The following P3H2 variants were observed in gnomAD, a reference collection of about 807,000 sequenced individuals.
P3H2 encodes leprecan-like 1.
P3H2 carries 80 observed loss-of-function variants against 87.0 expected under a neutral mutation model. That is an observed-to-expected ratio of 0.92 (90% CI 0.77 to 1.11). The LOEUF (loss-of-function observed/expected upper bound fraction) is 1.11. P3H2 is among the 50% of genes least tolerant of loss of function. The probability of loss-of-function intolerance (pLI) is 0.00; values close to 1 mark genes in which losing one functional copy is unlikely to be tolerated. For synonymous variants in P3H2, 367 were observed against 359.3 expected (o/e 1.02, Z -0.24); for missense variants, 1,001 against 923.9 (o/e 1.08, Z -1.08).
chr3:190,098,639 G>T (rs1270054876), intron 1 of P3H2, among the ~76,000 whole-genome samples: 3 of 152,084 alleles, frequency 2.0e-5, no homozygotes, highest in Non-Finnish European at 2.9e-5. Flanking sequence ...AGGCAAAAGA[G>T]ACTTTGAGTA....
intron 1 of P3H2, among the ~76,000 whole-genome samples, chr3:190,025,768 A>T (rs985696777): frequency 6.6e-6 from 1 of 152,232 alleles, no homozygotes; most frequent in Non-Finnish European, 1.5e-5. Flanking sequence ...CTAACACATA[A>T]TAAACCTCAG....
rs551057640 is a variant in P3H2, at chr3:189,967,766, G to A, written c.1893+3050C>T. On this transcript the variant is annotated intron_variant, in intron 13 of 14. Transcript: ENST00000319332. ...CATATATTATTGTATGAAGTCACAT[G>A]AAATATTTTTTCTTAGTTATTACAA... Among the ~76,000 whole-genome samples the A allele has an allele frequency of 7.9e-5, 12 of 152,218 alleles. No homozygotes were observed. In the South Asian group the frequency reaches 2.5e-3, roughly 32 times the overall value.
rs1360319053 is a variant in P3H2 at position 189,976,573 on chromosome 3, G to T, written c.1325-1888C>A. Among the ~76,000 whole-genome samples, 3 of 152,190 alleles carry T rather than the reference G, an allele frequency of 2.0e-5. No individual in the cohort carries two copies. The East Asian group carries it at 5.8e-4, about 29-fold the overall frequency. On this transcript the variant is annotated intron_variant, in intron 8 of 14. Transcript: ENST00000319332. Reference sequence around the variant, plus strand: ...CAATTCAAGGTGAGATGTGGGTGGGGACACAGCTAAACCATATCAGCTTTC... The same window carrying T: ...CAATTCAAGGTGAGATGTGGGTGGGTACACAGCTAAACCATATCAGCTTTC...
chr3:190,093,747 T>C (rs1727486874), intron 1 of P3H2, among the ~76,000 whole-genome samples: 1 of 152,242 alleles, frequency 6.6e-6, no homozygotes, highest in Non-Finnish European at 1.5e-5. Context: ...TGGTTTAACA[T>C]TGTTGTCAAA....
intron 10 of P3H2, among the ~76,000 whole-genome samples, chr3:189,973,519 T>C (rs1418427027): frequency 1.5e-5 from 1 of 65,800 alleles, no homozygotes; most frequent in African/African-American, 4.4e-5. Flanking sequence ...TTCTTTTTTT[T>C]TTTTTTTTTT....
At chr3:190,022,973 C>T (rs1027700420) in intron 1 of P3H2, among the ~76,000 whole-genome samples, 37 of 152,154 alleles carry the variant, frequency 2.4e-4, no homozygotes, top group Admixed American at 1.3e-3. Context: ...ACTACAGGCA[C>T]CCACCACCAC....
intron 1 of P3H2, among the ~76,000 whole-genome samples, chr3:190,013,815 C>G (rs1309921995): frequency 6.6e-6 from 1 of 152,022 alleles, no homozygotes; most frequent in East Asian, 1.9e-4. Flanking sequence ...AGAAGAAAAT[C>G]AATTAAGATG....
At chr3:189,969,473 CAAT>C (rs1723105205) in intron 13 of P3H2, 2 of 922,180 alleles carry the variant, frequency 2.2e-6, no homozygotes, top group Non-Finnish European at 3.6e-6. Flanking sequence ...TCTAGCACAA[CAAT>C]GACTTCCATC....
intron 1 of P3H2, among the ~76,000 whole-genome samples, chr3:190,027,100 T>C (rs1485424233): frequency 6.6e-6 from 1 of 152,154 alleles, no homozygotes; most frequent in Non-Finnish European, 1.5e-5. Flanking sequence ...CACTTACATA[T>C]GACAAAACTG....
rs776598543 is a variant in P3H2, at chr3:189,964,010, T to C, written c.1982A>G (p.Lys661Arg). The C allele has an allele frequency of 1.1e-5, 17 of 1,614,036 alleles. No homozygotes were observed. In the East Asian group the frequency reaches 2.0e-4, roughly 19 times the overall value. ...GAACCACAGAGCCACAGCACACCTC[T>C]TTCCCTTGGTGACTGCCTTCACCCC... Reference protein sequence around the residue: ...PHGVKAVTKGKRCAVALWFTL... With the variant: ...PHGVKAVTKGRRCAVALWFTL... Residue 661 changes from lysine to arginine, a missense_variant, in exon 14 of 15, where the codon AAG (lysine) becomes AGG (arginine). By Grantham distance (26) the Lys-to-Arg change is conservative. Transcript: ENST00000319332.
At chr3:190,068,739 G>C (rs954358340) in intron 1 of P3H2, among the ~76,000 whole-genome samples, 7 of 152,016 alleles carry the variant, frequency 4.6e-5, no homozygotes, top group African/African-American at 7.2e-5. Flanking sequence ...TCACTTAAAA[G>C]AGTTACCGAT....
intron 1 of P3H2, among the ~76,000 whole-genome samples, chr3:190,077,268 C>G (rs1726902022): frequency 6.6e-6 from 1 of 152,202 alleles, no homozygotes. Flanking sequence ...GCCTAGTCAT[C>G]TGTAGCAATT....
Position 189,973,952 on chromosome 3 carries a change from G to A in P3H2, c.1505C>T (p.Pro502Leu). Reference protein sequence around the residue: ...GYRGKTSPHTPNEKFEGATVL... With the variant: ...GYRGKTSPHTLNEKFEGATVL... ...AGTTGCACCTTCAAACTTTTCATTG[G>A]GTGTATGGGGTGAAGTTTTTCCTCT... is the stretch of plus-strand genomic sequence containing the variant. The change falls in exon 10 of 15, where the codon CCC becomes CTC. Residue 502 changes from proline to leucine, a missense_variant. By Grantham distance (98) the Pro-to-Leu change is moderately conservative (BLOSUM62 -3). Transcript: ENST00000319332. 1 of 1,613,990 alleles carries A rather than the reference G, an allele frequency of 6.2e-7. No individual in the cohort carries two copies.
chr3:189,985,515 C>T (rs1360923193), intron 6 of P3H2, among the ~76,000 whole-genome samples: 1 of 151,230 alleles, frequency 6.6e-6, no homozygotes, highest in East Asian at 1.9e-4. Flanking sequence ...GTCACTAAAT[C>T]TTCCCACATG....
intron 13 of P3H2, chr3:189,969,078 C>A (rs1723092953): frequency 2.4e-6 from 1 of 423,500 alleles, no homozygotes; most frequent in Non-Finnish European, 4.3e-6. Flanking sequence ...GGGTTTTTGA[C>A]CATTCCATGG....
At chr3:189,987,421 G>A (rs1335856662) in intron 5 of P3H2, 106 bp downstream of exon 5, 10 of 1,352,168 alleles carry the variant, frequency 7.4e-6, no homozygotes, top group South Asian at 5.2e-5. Context: ...GGAGGTTGCG[G>A]TGAGCCAAGA....
intron 1 of P3H2, among the ~76,000 whole-genome samples, chr3:190,013,757 G>C (rs964624043): frequency 2.6e-5 from 4 of 152,172 alleles, no homozygotes; most frequent in African/African-American, 9.7e-5. Flanking sequence ...AGAGTAAGTG[G>C]AATGGTCCTG....
At chr3:190,057,854 G>A (rs1351194217) in intron 1 of P3H2, among the ~76,000 whole-genome samples, 1 of 152,136 alleles carries the variant, frequency 6.6e-6, no homozygotes, top group Non-Finnish European at 1.5e-5. Context: ...AGAGTGTAAG[G>A]AAGATGGGTG....
At chr3:189,972,408 TC>T (rs1441328824) in intron 11 of P3H2, among the ~76,000 whole-genome samples, 1 of 152,058 alleles carries the variant, frequency 6.6e-6, no homozygotes, top group African/African-American at 2.4e-5. Context: ...ACATCATTAT[TC>T]CCCCCGCCCC....
Sources: gnomAD v4.1 joint callset for allele counts (sites outside exome capture counted in the v4.1 genomes callset) on GRCh38, gnomAD v4.1.1 for gene constraint, MANE v1.5 for transcripts, NCBI Gene and HGNC (gene_info 2026-07-23, HGNC 2026-07-21) for gene names.